The following ADAMTSL3 variants were observed in gnomAD, a reference collection of about 807,000 sequenced individuals.
The protein encoded by ADAMTSL3 is ADAMTS like 3.
Under a neutral mutation model 201.7 loss-of-function variants are expected in ADAMTSL3, and 128 were observed. That is an observed-to-expected ratio of 0.63 (90% confidence interval 0.55 to 0.73). The LOEUF (loss-of-function observed/expected upper bound fraction) is 0.73. Among genes scored for constraint, ADAMTSL3 ranks in the 30% least tolerant of loss-of-function variants. The pLI is 0.00. For synonymous variants in ADAMTSL3, 738 were observed against 748.4 expected (o/e 0.99, Z 0.23); for missense variants, 1,990 against 2,119.6 (o/e 0.94, Z 1.20).
intron 20 of ADAMTSL3, among the ~76,000 whole-genome samples, chr15:83,977,296 G>A (rs1171274040): frequency 6.6e-6 from 1 of 152,138 alleles, no homozygotes; most frequent in Admixed American, 6.5e-5. Flanking sequence ...TGTTTTCTAT[G>A]AAACCAGTAC....
At chr15:83,893,276 T>G (rs1247427472) in intron 13 of ADAMTSL3, among the ~76,000 whole-genome samples, 1 of 152,200 alleles carries the variant, frequency 6.6e-6, no homozygotes, top group Non-Finnish European at 1.5e-5. Context: ...TTAAATTGTT[T>G]AAATTCTTTG....
intron 2 of ADAMTSL3, among the ~76,000 whole-genome samples, chr15:83,677,359 TGA>T (rs938985251): frequency 5.1e-4 from 78 of 152,292 alleles, no homozygotes; most frequent in African/African-American, 1.8e-3. Context: ...TCAAAATTGC[TGA>T]GAGAGAGATG....
chr15:83,886,121 G>A (rs748816712), intron 10 of ADAMTSL3, among the ~76,000 whole-genome samples: 20 of 152,174 alleles, frequency 1.3e-4, no homozygotes, highest in Admixed American at 5.2e-4. Context: ...TTCATGCTCC[G>A]GTGGAAGATA....
chr15:83,982,483 G>T lies in ADAMTSL3; in HGVS notation c.2855G>T (p.Cys952Phe), dbSNP rs751732339. The change falls in exon 21 of 30, where the codon TGC becomes TTC. Residue 952 changes from cysteine to phenylalanine, a missense_variant. Cys to Phe is a radical substitution (Grantham distance 205). Coordinates refer to ENST00000286744, the MANE Select transcript of ADAMTSL3 (RefSeq NM_207517.3). ...ATCCAGTGGGAGAAGGATGGCCGTT[G>T]CCTGCAGAACTCCAAACGGCTTGGC... ...SLIQWEKDGRCLQNSKRLGIT... is the reference protein window; with the variant it reads ...SLIQWEKDGRFLQNSKRLGIT... 9.9e-6 allele frequency: 16 copies of T among 1,614,054 alleles called. No individual in the cohort carries two copies. Among genetic ancestry groups the T allele is most frequent in the Admixed American group, 1.7e-5 (1 of 60,002 alleles).
intron 3 of ADAMTSL3, among the ~76,000 whole-genome samples, chr15:83,746,911 C>A (rs1037416454): frequency 7.2e-5 from 11 of 152,064 alleles, no homozygotes; most frequent in African/African-American, 2.7e-4. Context: ...GGAATAAATA[C>A]TTTTCAGTTT....
chr15:83,854,724 C>T (rs1021179397), intron 7 of ADAMTSL3, among the ~76,000 whole-genome samples: 7 of 152,198 alleles, frequency 4.6e-5, no homozygotes, highest in African/African-American at 1.7e-4. Context: ...ATTCCTTCTT[C>T]ACTCATTCTT....
At chr15:83,845,282 A>G (rs2064473605) in intron 7 of ADAMTSL3, among the ~76,000 whole-genome samples, 3 of 152,230 alleles carry the variant, frequency 2.0e-5, no homozygotes. Context: ...GCTTTGCAAG[A>G]GCAGGCACCA....
At chr15:83,968,701 C>T (rs2142116976) in intron 19 of ADAMTSL3, among the ~76,000 whole-genome samples, 1 of 152,330 alleles carries the variant, frequency 6.6e-6, no homozygotes, top group South Asian at 2.1e-4. Flanking sequence ...TACTATGACA[C>T]ATGCACACAT....
chr15:83,804,831 A>G (rs779747338), intron 5 of ADAMTSL3, 136 bp downstream of exon 5: 5 of 574,996 alleles, frequency 8.7e-6, no homozygotes, highest in Non-Finnish European at 1.4e-5. Flanking sequence ...TTAATTGACA[A>G]CAGATTTTGT....
intron 23 of ADAMTSL3, among the ~76,000 whole-genome samples, chr15:84,012,979 A>G (rs984147960): frequency 6.6e-6 from 1 of 152,144 alleles, no homozygotes; most frequent in African/African-American, 2.4e-5. Context: ...CCTCACCCCA[A>G]CCCAGCCAAG....
At chr15:84,031,492 A>G (rs1270905034) in intron 28 of ADAMTSL3, 60 bp downstream of exon 28, 3 of 1,435,560 alleles carry the variant, frequency 2.1e-6, no homozygotes, top group Admixed American at 1.7e-5. Flanking sequence ...GACAATGATT[A>G]TAACTGCCTG....
intron 19 of ADAMTSL3, among the ~76,000 whole-genome samples, chr15:83,967,892 A>T (rs2067119189): frequency 6.6e-6 from 1 of 152,194 alleles, no homozygotes; most frequent in Non-Finnish European, 1.5e-5. Flanking sequence ...ATCTACAACC[A>T]TCTGATCTTT....
At chr15:83,707,330 G>A (rs983174824) in intron 3 of ADAMTSL3, among the ~76,000 whole-genome samples, 1 of 152,168 alleles carries the variant, frequency 6.6e-6, no homozygotes, top group African/African-American at 2.4e-5. Flanking sequence ...TTATTACTAA[G>A]AATGTTGTTT....
At chr15:83,698,801 A>G (rs548482591) in intron 2 of ADAMTSL3, among the ~76,000 whole-genome samples, 1 of 152,198 alleles carries the variant, frequency 6.6e-6, no homozygotes, top group South Asian at 2.1e-4. Flanking sequence ...GTCAAAGTCA[A>G]CGTTGACTTC....
At chr15:83,979,041 C>T (rs2067339129) in intron 20 of ADAMTSL3, among the ~76,000 whole-genome samples, 1 of 152,244 alleles carries the variant, frequency 6.6e-6, no homozygotes, top group South Asian at 2.1e-4. Flanking sequence ...CTGGAACCCA[C>T]TTTCCTGCTG....
intron 2 of ADAMTSL3, among the ~76,000 whole-genome samples, chr15:83,682,792 T>C (rs1236757789): frequency 6.6e-6 from 1 of 152,252 alleles, no homozygotes; most frequent in Non-Finnish European, 1.5e-5. Context: ...ATGACTTTCC[T>C]ACAAATGTTT....
At chr15:83,881,882 G>A (rs1432341074) in intron 9 of ADAMTSL3, among the ~76,000 whole-genome samples, 7 of 148,622 alleles carry the variant, frequency 4.7e-5, no homozygotes, top group African/African-American at 7.4e-5. Flanking sequence ...GGCCGGGCGC[G>A]ATGGCTCACG....
Position 83,801,430 on chromosome 15 carries a change from G to T in ADAMTSL3, c.318-3220G>T, listed in dbSNP as rs575569820. Among the ~76,000 whole-genome samples the T allele has an allele frequency of 2.3e-4, 35 of 151,494 alleles. 2 individuals carry two copies. The South Asian group carries it at 4.4e-3, about 19-fold the overall frequency. On this transcript the variant is annotated intron_variant, in intron 4 of 29. Transcript: ENST00000286744. ...TTGCAGTTGGAACAGAAAGTTTAAG[G>T]TGAAGATGGCATGAAATGGAAATGG...
intron 8 of ADAMTSL3, among the ~76,000 whole-genome samples, chr15:83,869,623 A>C (rs1004081241): frequency 9.2e-5 from 14 of 152,136 alleles, no homozygotes; most frequent in Non-Finnish European, 1.5e-5. Flanking sequence ...AAATCCAGCA[A>C]ATGAAAACAA....
Sources: gnomAD v4.1 joint callset for allele counts (sites outside exome capture counted in the v4.1 genomes callset) on GRCh38, gnomAD v4.1.1 for gene constraint, MANE v1.5 for transcripts, NCBI Gene and HGNC (gene_info 2026-07-23, HGNC 2026-07-21) for gene names.